Variants in C16orf96 observed in about 807,000 individuals in gnomAD.
The protein encoded by C16orf96 is uncharacterized protein C16orf96.
In C16orf96, 108 loss-of-function variants were observed where a neutral mutation model predicts 103.6. That is an observed-to-expected ratio of 1.04 (90% CI 0.89 to 1.22). The LOEUF (loss-of-function observed/expected upper bound fraction) is 1.22, where lower values mean the gene tolerates loss of function less well. Ranked by LOEUF, C16orf96 falls within the 50% of genes most tolerant of loss-of-function variation. C16orf96 has a pLI of 0.00. For synonymous variants in C16orf96, 566 were observed against 593.5 expected (o/e 0.95, Z 0.67); for missense variants, 1,586 against 1,464.2 (o/e 1.08, Z -1.36).
chr16:4,583,493 G>C (rs1341108635), intron 7 of C16orf96, among the ~76,000 whole-genome samples: 2 of 150,828 alleles, frequency 1.3e-5, no homozygotes, highest in African/African-American at 4.9e-5. Flanking sequence ...GTGACAGAGT[G>C]AGACTCTGTC....
intron 2 of C16orf96, among the ~76,000 whole-genome samples, 169 bp downstream of exon 2, chr16:4,571,834 CT>C (rs2059442188): frequency 6.6e-6 from 1 of 151,960 alleles, no homozygotes; most frequent in Non-Finnish European, 1.5e-5. Context: ...TCTGTGACCC[CT>C]CCATGCTTTC....
At chr16:4,594,311 A>C in intron 12 of C16orf96, 40 bp from the exon 13 acceptor site, 1 of 1,543,180 alleles carries the variant, frequency 6.5e-7, no homozygotes, top group East Asian at 2.5e-5. Flanking sequence ...TCTGGGGTAC[A>C]GGGTCTCCAG....
At chr16:4,554,657 C>T (rs971555250), upstream of C16orf96, among the ~76,000 whole-genome samples, 4 of 147,286 alleles carry the variant, frequency 2.7e-5, no homozygotes, top group Non-Finnish European at 6.0e-5. Flanking sequence ...CCCAGCCTAT[C>T]GCCCTTCTTT....
At chr16:4,550,564 C>T in the C16orf96 span, among the ~76,000 whole-genome samples, 3 of 152,200 alleles carry the variant, frequency 2.0e-5, no homozygotes, top group African/African-American at 7.2e-5. Context: ...ATGCAGCTAA[C>T]GTCAGTGAGC....
Position 4,579,028 on chromosome 16 carries a change from T to G in C16orf96, c.2241+3T>G. ...GCCTCCAGAAATCTAGGCTCAAGGT[T>G]AGTGTCTCCGGCGAAGGGCTTTTGA... On this transcript the variant is annotated splice_donor_region_variant and intron_variant, in intron 6 of 15. Coordinates refer to ENST00000444310, the MANE Select transcript of C16orf96 (RefSeq NM_001145011.2). 1.3e-6 allele frequency: 2 copies of G among 1,551,260 alleles called. No individual in the cohort carries two copies. The highest frequency in any genetic ancestry group is 8.7e-7 in the Non-Finnish European group (1 of 1,146,726).
At chr16:4,571,303 A>T (rs1479392321) in intron 1 of C16orf96, among the ~76,000 whole-genome samples, 2 of 152,174 alleles carry the variant, frequency 1.3e-5, no homozygotes, top group Admixed American at 1.3e-4. Flanking sequence ...AAAGGGCGTG[A>T]GATGCTTCAT....
chr16:4,566,035 G>T (rs1289097773), intron 1 of C16orf96, among the ~76,000 whole-genome samples: 1 of 152,064 alleles, frequency 6.6e-6, no homozygotes. Context: ...TAGAGATGTG[G>T]TCTTGCTGTG....
rs542093709 is a variant in C16orf96, at chr16:4,569,999, GC to G, written c.421-1559del. On this transcript the variant is annotated intron_variant, in intron 1 of 15. Transcript: ENST00000444310. ...ACATCACGCTCAAAAGGAGACCCCT[GC>G]CCTTGCTGGCTGTATCCCCTACGTC... Among the ~76,000 whole-genome samples, 256 of 152,296 alleles carry G rather than the reference GC, an allele frequency of 1.7e-3. 1 individual carries two copies. The highest frequency in any genetic ancestry group is 5.9e-3 in the African/African-American group (246 of 41,564).
In C16orf96 at chr16:4,574,769, G is replaced by A. The variant is rs1236013470; in HGVS notation, c.586G>A (p.Val196Ile). 3 of 1,551,828 alleles carry A rather than the reference G, an allele frequency of 1.9e-6. No individual in the cohort carries two copies. In the East Asian group the frequency reaches 7.3e-5, roughly 38 times the overall value. The change falls in exon 3 of 16, where the codon GTT (valine) becomes ATT (isoleucine). Residue 196 changes from valine (V) to isoleucine (I), a missense_variant. Physicochemically the swap from Val to Ile is conservative, Grantham distance 29. Transcript: ENST00000444310. ...CTTCAAAATACAGAACTGGAAGATG[G>A]TTGCACTGCAGCGGGAAGTGGTGAG... Reference protein sequence around the residue: ...EDFKIQNWKMVALQREVASLQ... With the variant: ...EDFKIQNWKMIALQREVASLQ...
chr16:4,589,512 A>G (rs1196511197), intron 9 of C16orf96, among the ~76,000 whole-genome samples: 2 of 151,688 alleles, frequency 1.3e-5, no homozygotes, highest in Admixed American at 1.3e-4. Flanking sequence ...TGGGAGGTTG[A>G]GACTGCAGTG....
chr16:4,546,136 C>A, the C16orf96 span, among the ~76,000 whole-genome samples: 1 of 151,382 alleles, frequency 6.6e-6, no homozygotes, highest in Non-Finnish European at 1.5e-5. Flanking sequence ...GAATGAGCCA[C>A]CATGCCTAGC....
At chr16:4,557,304 G>T (rs550264475) in intron 1 of C16orf96, among the ~76,000 whole-genome samples, 3 of 152,034 alleles carry the variant, frequency 2.0e-5, no homozygotes, top group Non-Finnish European at 4.4e-5. Context: ...ACTCACCTAC[G>T]ATGGGCCATC....
chr16:4,539,159 A>G, the C16orf96 span, among the ~76,000 whole-genome samples: 4 of 152,180 alleles, frequency 2.6e-5, no homozygotes, highest in African/African-American at 9.7e-5. Flanking sequence ...ATTACAACAG[A>G]AAATTATGAC....
In C16orf96 at chr16:4,593,197, C is replaced by T; in HGVS notation, c.2775-27C>T. 1 of 1,546,912 alleles carries T rather than the reference C, an allele frequency of 6.5e-7. No individual in the cohort carries two copies. The highest frequency in any genetic ancestry group is 8.7e-7 in the Non-Finnish European group (1 of 1,143,204). ...GCTGGCCTAGCACGCCTCCCACAGC[C>T]CCTGCTGTGCCCTTGTCCTCCAACA... On this transcript the variant is annotated intron_variant, in intron 11 of 15. Coordinates refer to ENST00000444310, the MANE Select transcript of C16orf96 (RefSeq NM_001145011.2). The surrounding 1 kb of genome is among the most constrained non-coding windows in gnomAD (Gnocchi z 4.2).
At chr16:4,592,988 TG>T (rs1373615546) in intron 11 of C16orf96, among the ~76,000 whole-genome samples, 4 of 152,234 alleles carry the variant, frequency 2.6e-5, no homozygotes, top group Non-Finnish European at 4.4e-5. Flanking sequence ...TTTTTACTTT[TG>T]GAAATAGAAC....
chr16:4,600,200 G>A lies in C16orf96; in HGVS notation c.3309G>A (p.Pro1103=), dbSNP rs375329554. ...TGCCACCTCTGCTGCTGCTGCCACCGCTGATTCCATCCCTAAGGGACCCCC... is the reference window on the plus strand; with the variant it reads ...TGCCACCTCTGCTGCTGCTGCCACCACTGATTCCATCCCTAAGGGACCCCC... ...PSLPPLLLLP[P]LIPSLRDPQQ... is the part of the protein sequence containing the mutation. Residue 1103 remains proline, a synonymous_variant, in exon 16 of 16, where the codon CCG becomes CCA. Transcript: ENST00000444310. The A allele has an allele frequency of 8.3e-5, 129 of 1,551,410 alleles. 1 individual carries two copies. Among genetic ancestry groups the A allele is most frequent in the African/African-American group, 5.1e-4 (37 of 73,070 alleles).
chr16:4,548,105 C>A, the C16orf96 span, among the ~76,000 whole-genome samples: 1 of 152,084 alleles, frequency 6.6e-6, no homozygotes, highest in East Asian at 1.9e-4. Context: ...CAGGGCTACA[C>A]AAAAAGCCGC....
In C16orf96 at chr16:4,575,353, G is replaced by C; in HGVS notation, c.873G>C (p.Glu291Asp). ...WHYEVPELLP[E>D]GSSAQAVSLS... ...ATGAGGTCCCAGAGCTCCTCCCGGAGGGCTCATCTGCCCAAGCAGTTTCAC... is the reference window on the plus strand; with the variant it reads ...ATGAGGTCCCAGAGCTCCTCCCGGACGGCTCATCTGCCCAAGCAGTTTCAC... Residue 291 changes from glutamate (E) to aspartate (D), a missense_variant, in exon 5 of 16, where the codon GAG (glutamate) becomes GAC (aspartate). Glu to Asp is a conservative substitution (Grantham distance 45, BLOSUM62 2). Transcript: ENST00000444310. The C allele has an allele frequency of 6.4e-7, 1 of 1,551,182 alleles. No individual in the cohort carries two copies. The highest frequency in any genetic ancestry group is 2.4e-5 in the East Asian group (1 of 40,914).
At chr16:4,547,843 A>G in the C16orf96 span, among the ~76,000 whole-genome samples, 43,832 of 140,384 alleles carry the variant, frequency 0.31, 8,382 homozygotes, top group African/African-American at 0.56. Flanking sequence ...AGTATTGCCC[A>G]GGTTAGTCCA....
Sources: gnomAD v4.1 joint callset for allele counts (sites outside exome capture counted in the v4.1 genomes callset) on GRCh38, gnomAD v4.1.1 for gene constraint, Gnocchi (gnomAD v3.1) non-coding constraint, MANE v1.5 for transcripts, NCBI Gene and HGNC (gene_info 2026-07-23, HGNC 2026-07-21) for gene names.